CIDEC: variants seen among roughly 807,000 people sequenced by gnomAD.
The protein encoded by CIDEC is lipid transferase CIDEC.
Under a neutral mutation model 21.9 loss-of-function variants are expected in CIDEC, and 11 were observed. The ratio of observed to expected loss-of-function variants is 0.50; its 90% CI spans 0.32 to 0.83. The LOEUF (loss-of-function observed/expected upper bound fraction) is 0.83, where lower values mean the gene tolerates loss of function less well. Ranked by LOEUF, CIDEC falls within the 40% of genes least tolerant of loss-of-function variation. The pLI is 0.04. For missense variants in CIDEC, 302 were observed against 302.3 expected (o/e 1.00, Z 0.01); for synonymous variants, 127 against 124.9 (o/e 1.02, Z -0.11).
intron 3 of CIDEC, 30 bp from the exon 4 acceptor site, chr3:9,877,249 A>T: frequency 6.5e-7 from 1 of 1,549,370 alleles, no homozygotes; most frequent in Non-Finnish European, 8.7e-7. Flanking sequence ...AGGGTGAGCC[A>T]CCCACTTTGC....
chr3:9,878,072 T>C (rs1441654541), intron 3 of CIDEC: 3 of 228,408 alleles, frequency 1.3e-5, no homozygotes, highest in African/African-American at 6.7e-5. Context: ...GGCTCCCTCA[T>C]GGATTTGCTG....
At chr3:9,872,871 C>T (rs1351754891) in intron 4 of CIDEC, among the ~76,000 whole-genome samples, 4 of 152,098 alleles carry the variant, frequency 2.6e-5, no homozygotes, top group Non-Finnish European at 4.4e-5. Context: ...CGCCTGTAGT[C>T]CCAGCTGCTC....
intron 3 of CIDEC, 140 bp downstream of exon 3, chr3:9,878,294 G>A: frequency 1.4e-6 from 1 of 734,134 alleles, no homozygotes; most frequent in Non-Finnish European, 2.5e-6. Context: ...CAAAATCTCG[G>A]GTCCCACTCC....
intron 4 of CIDEC, among the ~76,000 whole-genome samples, chr3:9,871,352 T>A (rs1399337047): frequency 7.0e-6 from 1 of 143,760 alleles, no homozygotes; most frequent in Non-Finnish European, 1.6e-5. Context: ...CTAATTTTTT[T>A]TTTTTTTTTT....
intron 2 of CIDEC, 72 bp from the exon 3 acceptor site, chr3:9,878,583 G>A (rs2082461536): frequency 2.1e-6 from 3 of 1,412,448 alleles, no homozygotes; most frequent in South Asian, 2.3e-5. Flanking sequence ...GTTAGGCAAG[G>A]TGCAACCCAA....
chr3:9,871,100 A>G (rs1427616353), intron 4 of CIDEC, among the ~76,000 whole-genome samples: 3 of 151,512 alleles, frequency 2.0e-5, no homozygotes, highest in Admixed American at 6.6e-5. Flanking sequence ...TTATATGAAC[A>G]TATGTTTTCA....
At chr3:9,872,723 C>T (rs575441367) in intron 4 of CIDEC, among the ~76,000 whole-genome samples, 2 of 152,308 alleles carry the variant, frequency 1.3e-5, no homozygotes, top group South Asian at 2.1e-4. Flanking sequence ...CGTAGTGGCT[C>T]ATGCCTGTAA....
intron 4 of CIDEC, among the ~76,000 whole-genome samples, chr3:9,874,919 G>T (rs1438495717): frequency 6.6e-6 from 1 of 151,994 alleles, no homozygotes; most frequent in African/African-American, 2.4e-5. Flanking sequence ...TTTTTGTATA[G>T]ACGGGGTCTC....
chr3:9,878,392 C>A, intron 3 of CIDEC, 42 bp downstream of exon 3: 1 of 1,443,026 alleles, frequency 6.9e-7, no homozygotes, highest in African/African-American at 1.4e-5. Flanking sequence ...GCTTACAGCT[C>A]ATAGGTGGCT....
chr3:9,876,962 T>C (rs558192799), intron 4 of CIDEC, 104 bp downstream of exon 4: 63 of 925,098 alleles, frequency 6.8e-5, no homozygotes, highest in Non-Finnish European at 1.0e-4. Flanking sequence ...CTGTAGGCGC[T>C]GGTAGGTATC....
chr3:9,875,199 C>G (rs973900085), intron 4 of CIDEC, among the ~76,000 whole-genome samples: 1 of 151,918 alleles, frequency 6.6e-6, no homozygotes, highest in African/African-American at 2.4e-5. Context: ...CACGGTGAAA[C>G]CCCGTCTCTA....
At chr3:9,870,415 A>T (rs1269186286) in intron 4 of CIDEC, 93 bp from the exon 5 acceptor site, 2 of 1,587,206 alleles carry the variant, frequency 1.3e-6, no homozygotes, top group East Asian at 4.5e-5. Context: ...TCTGCTGTGG[A>T]ATCACTACCC....
At chr3:9,873,829 T>A (rs1233163119) in intron 4 of CIDEC, among the ~76,000 whole-genome samples, 1 of 152,180 alleles carries the variant, frequency 6.6e-6, no homozygotes, top group Non-Finnish European at 1.5e-5. Flanking sequence ...TCATTAGTTA[T>A]CTTGGAATGA....
At position 9,867,105 on chromosome 3, in the gene CIDEC, C is replaced by T. The variant is rs2082280280; in HGVS notation, c.*29G>A. On this transcript the variant is annotated 3_prime_UTR_variant, in exon 7 of 7. Coordinates refer to ENST00000336832, the MANE Select transcript of CIDEC (RefSeq NM_001321142.2). ...CGTGAGGCCCCCAGTCAGTCCTTCA[C>T]TGGGGAAAGCTTCCAAGGACTTGGG... 1 of 1,612,098 alleles carries T rather than the reference C, an allele frequency of 6.2e-7. No homozygotes were observed.
rs370994206 is a variant in CIDEC, at chr3:9,867,084, A to T, written c.*50T>A. The T allele has an allele frequency of 6.3e-7, 1 of 1,591,652 alleles. No homozygotes were observed. Among genetic ancestry groups the T allele is most frequent in the Non-Finnish European group, 8.6e-7 (1 of 1,161,452 alleles). On this transcript the variant is annotated 3_prime_UTR_variant, in exon 7 of 7. Transcript: ENST00000336832. ...TTGTGGGCACTACCAGTTAAGCGTG[A>T]GGCCCCCAGTCAGTCCTTCACTGGG...
intron 4 of CIDEC, among the ~76,000 whole-genome samples, chr3:9,875,020 A>G (rs1033841651): frequency 1.3e-5 from 2 of 152,192 alleles, no homozygotes; most frequent in Admixed American, 1.3e-4. Context: ...AGCATGAGCC[A>G]CTATGCCTGG....
At position 9,867,006 on chromosome 3, in the gene CIDEC, T is replaced by C. The variant is rs2082278235; in HGVS notation, c.*128A>G. 5 of 1,022,102 alleles carry C rather than the reference T, an allele frequency of 4.9e-6. No individual in the cohort carries two copies. The highest frequency in any genetic ancestry group is 1.5e-6 in the Non-Finnish European group (1 of 645,220). The allele number at this position is 1,022,102 out of a possible 1,614,324, so 63.3% of individuals were successfully genotyped here. A position where few individuals can be genotyped will look rare whatever the true frequency, so the allele number is the denominator to read the frequency against. ...TCCAGCTCCTCCTCCTCACTCAGGG[T>C]CCTGCGCGGTGAGGGAGGTGTGGGG... is the stretch of plus-strand genomic sequence containing the variant. On this transcript the variant is annotated 3_prime_UTR_variant, in exon 7 of 7. Transcript: ENST00000336832.
chr3:9,876,177 A>G (rs567827893), intron 4 of CIDEC, among the ~76,000 whole-genome samples: 22 of 152,228 alleles, frequency 1.4e-4, no homozygotes, highest in Non-Finnish European at 2.5e-4. Context: ...CCACCCCTAT[A>G]GAGATGATCA....
Position 9,867,147 on chromosome 3 carries a change from T to C in CIDEC, c.704A>G (p.Lys235Arg), listed in dbSNP as rs1289626568. 1 of 1,613,490 alleles carries C rather than the reference T, an allele frequency of 6.2e-7. No homozygotes were observed. Among genetic ancestry groups the C allele is most frequent in the Admixed American group, 1.7e-5 (1 of 60,020 alleles). Reference protein sequence around the residue: ...KASSLIPTCLKILQ With the variant: ...KASSLIPTCLRILQ ...GGACTTGGGCTTTCACTGCAGTATC[T>C]TCAGACAGGTCGGGATAAGGGATGA... is the stretch of plus-strand genomic sequence containing the variant. The change falls in exon 7 of 7, where the codon AAG (lysine) becomes AGG (arginine). Residue 235 changes from lysine to arginine, a missense_variant. Physicochemically the swap from Lys to Arg is conservative, Grantham distance 26. Coordinates refer to ENST00000336832, the MANE Select transcript of CIDEC (RefSeq NM_001321142.2).
Sources: allele counts gnomAD v4.1 joint callset (sites outside exome capture counted in the v4.1 genomes callset), GRCh38; gene constraint gnomAD v4.1.1; transcripts MANE v1.5; gene names NCBI Gene and HGNC (gene_info 2026-07-23, HGNC 2026-07-21).